ESS2: variants seen among roughly 807,000 people sequenced by gnomAD.
The protein encoded by ESS2 is ess-2 spliceosome associated protein.
ESS2 carries 31 observed loss-of-function variants against 52.0 expected under a neutral mutation model. That is an observed-to-expected ratio of 0.60 (90% CI 0.45 to 0.81). The LOEUF (loss-of-function observed/expected upper bound fraction) is 0.81, where lower values mean the gene tolerates loss of function less well. ESS2 is among the 30% of genes least tolerant of loss of function. The probability of loss-of-function intolerance (pLI) is 0.00; values close to 1 mark genes in which losing one functional copy is unlikely to be tolerated. For synonymous variants in ESS2, 285 were observed against 259.2 expected, an observed-to-expected ratio of 1.10 and a Z score of -0.95; for missense variants, 602 against 637.2, an observed-to-expected ratio of 0.94 and a Z score of 0.59.
intron 5 of ESS2, 66 bp from the exon 6 acceptor site, chr22:19,139,358 T>C: frequency 6.7e-7 from 1 of 1,501,434 alleles, no homozygotes; most frequent in Non-Finnish European, 8.9e-7. Context: ...CATGAGGAGC[T>C]CGCTTCTCGG....
chr22:19,133,891 G>A lies in ESS2; in HGVS notation c.*305C>T. 1 of 302,416 alleles carries A rather than the reference G, an allele frequency of 3.3e-6. No homozygotes were observed. The allele number at this position is 302,416 out of a possible 1,614,324, so 18.7% of individuals were successfully genotyped here. A position where few individuals can be genotyped will look rare whatever the true frequency, so the allele number is the denominator to read the frequency against. On this transcript the variant is annotated 3_prime_UTR_variant, in exon 10 of 10. Transcript: ENST00000252137. ...AGACGTGATGCAGGCCCCAGGGCAA[G>A]GCTAGGGCTCGTGTGGGGAGCAAGA...
Position 19,144,552 on chromosome 22 carries a change from G to A in ESS2, c.89C>T (p.Ala30Val), listed in dbSNP as rs766214563. The change falls in exon 1 of 10, where the codon GCT becomes GTT. Residue 30 changes from alanine (A) to valine (V), a missense_variant. Transcript: ENST00000252137. ...CAGGACCCGCTGCTTGCTCGTCGCA[G>A]CCCCAGCCTCTCCCGCCTCGCGCTT... is the stretch of plus-strand genomic sequence containing the variant. ...PRKREAGEAG[A>V]ATSKQRVLDE... The A allele has an allele frequency of 2.5e-6, 4 of 1,607,878 alleles. No homozygotes were observed. Among genetic ancestry groups the A allele is most frequent in the Admixed American group, 1.7e-5 (1 of 59,732 alleles).
chr22:19,137,399 T>TC lies in ESS2; in HGVS notation c.958dup (p.Glu320GlyfsTer3), dbSNP rs1569107777. The TC allele has an allele frequency of 1.2e-6, 2 of 1,612,072 alleles. No homozygotes were observed. Among genetic ancestry groups the TC allele is most frequent in the Admixed American group, 1.7e-5 (1 of 59,782 alleles). ...AACTCTCAAGGGTGTGTTCTCAACC[T>TC]CCCCCCAGGTCATCATCGGGGACTC... On this transcript the variant is annotated frameshift_variant, in exon 8 of 10. Transcript: ENST00000252137. LOFTEE classifies it high-confidence loss of function.
At chr22:19,140,109 C>T (rs2083660181) in intron 3 of ESS2, 85 bp from the exon 4 acceptor site, 3 of 1,506,516 alleles carry the variant, frequency 2.0e-6, no homozygotes, top group Non-Finnish European at 2.7e-6. Context: ...ATCATAGCCC[C>T]CAACATGCAG....
chr22:19,136,056 G>C lies in ESS2; in HGVS notation c.1036-881C>G, dbSNP rs1284075373. Among the ~76,000 whole-genome samples the C allele has an allele frequency of 3.2e-5, 3 of 93,376 alleles. No homozygotes were observed. The East Asian group carries it at 9.3e-4, about 29-fold the overall frequency. 61.3% of individuals were successfully genotyped at this position (93,376 alleles called of 152,430 possible). A position where few individuals can be genotyped will look rare whatever the true frequency, so the allele number is the denominator to read the frequency against. ...TAAAAAAAAAAAAAAAAAAAAAAAA[G>C]AGGCGAGGCACAGTGGCTCACGCCT... On this transcript the variant is annotated intron_variant, in intron 8 of 9. Transcript: ENST00000252137.
In ESS2 at chr22:19,132,557, G is replaced by A. The variant is rs531089437; in HGVS notation, c.*1639C>T. 2 of 1,400,970 alleles carry A rather than the reference G, an allele frequency of 1.4e-6. No individual in the cohort carries two copies. The highest frequency in any genetic ancestry group is 2.1e-5 in the Admixed American group (1 of 46,530). 86.8% of individuals were successfully genotyped at this position (1,400,970 alleles called of 1,614,324 possible). On this transcript the variant is annotated 3_prime_UTR_variant, in exon 10 of 10. Coordinates refer to ENST00000252137, the MANE Select transcript of ESS2 (RefSeq NM_022719.3). The surrounding 1 kb of genome is among the most constrained non-coding windows in gnomAD (Gnocchi z 4.2). ...GTCGGCCTTCACGTAAACTAAGTAG[G>A]CAGGTAGGATCTGAAGAAGGCACAG...
In ESS2 at chr22:19,142,848, T is replaced by C. The variant is rs1264845622; in HGVS notation, c.182A>G (p.Lys61Arg). ...IQRDFFPDVE[K>R]LQAQKEYLEA... ...CAGGTACTCCTTCTGTGCCTGGAGC[T>C]TCTCCACATCAGGAAAGAAATCCCT... The change falls in exon 2 of 10, where the codon AAG becomes AGG. Residue 61 changes from lysine to arginine, a missense_variant. Lys to Arg is a conservative substitution (Grantham distance 26, BLOSUM62 2). Transcript: ENST00000252137. 6.2e-7 allele frequency: 1 copy of C among 1,613,966 alleles called. No homozygotes were observed. Among genetic ancestry groups the C allele is most frequent in the East Asian group, 2.2e-5 (1 of 44,894 alleles).
intron 9 of ESS2, 36 bp downstream of exon 9, chr22:19,135,024 C>A: frequency 6.3e-6 from 10 of 1,592,868 alleles, no homozygotes; most frequent in Non-Finnish European, 8.6e-6. Context: ...GCCAGAGCCA[C>A]CCTCGCACTT....
In ESS2 at chr22:19,137,423, TC is replaced by T. The variant is rs2083603042; in HGVS notation, c.934del (p.Glu312SerfsTer4). The T allele has an allele frequency of 6.2e-7, 1 of 1,612,742 alleles. No homozygotes were observed. The highest frequency in any genetic ancestry group is 1.3e-5 in the African/African-American group (1 of 74,928). The part of the protein sequence containing the change: ...ATPSPAPGVN[E>X]SPMMTWGEVE... ...CTCCCCCCAGGTCATCATCGGGGACTCGTTCACACCTGCAGACAAAGAGCCC... is the reference window on the plus strand; with the variant it reads ...CTCCCCCCAGGTCATCATCGGGGACTGTTCACACCTGCAGACAAAGAGCCC... On this transcript the variant is annotated frameshift_variant, in exon 8 of 10. Coordinates refer to ENST00000252137, the MANE Select transcript of ESS2 (RefSeq NM_022719.3). LOFTEE classifies it high-confidence loss of function.
chr22:19,142,894 C>T lies in ESS2; in HGVS notation c.136G>A (p.Gly46Ser). 1.9e-6 allele frequency: 3 copies of T among 1,612,418 alleles called. No individual in the cohort carries two copies. The highest frequency in any genetic ancestry group is 2.5e-6 in the Non-Finnish European group (3 of 1,179,240). ...TCCCTTTGGATGACCGTCTGGAGGC[C>T]CTGCAAGGAGAGATCAGAATGAAAG... is the stretch of plus-strand genomic sequence containing the variant. ...RVLDEEEYIE[G>S]LQTVIQRDFF... Residue 46 changes from glycine to serine, a missense_variant and splice_region_variant, in exon 2 of 10, where the codon GGC (glycine) becomes AGC (serine). Transcript: ENST00000252137.
chr22:19,132,670 AC>A lies in ESS2; in HGVS notation c.*1525del. 1.6e-6 allele frequency: 1 copy of A among 617,808 alleles called. No homozygotes were observed. The allele number at this position is 617,808 out of a possible 1,614,324, so 38.3% of individuals were successfully genotyped here. The stretch of plus-strand genomic sequence containing the variant: ...TTAGCAGCAAAGACGTTCCTTACTG[AC>A]CACCAAATAAACCACAGGGTGTGTG... On this transcript the variant is annotated 3_prime_UTR_variant, in exon 10 of 10. Coordinates refer to ENST00000252137, the MANE Select transcript of ESS2 (RefSeq NM_022719.3). The surrounding 1 kb of genome is among the most constrained non-coding windows in gnomAD (Gnocchi z 4.2).
intron 1 of ESS2, among the ~76,000 whole-genome samples, chr22:19,143,347 A>G (rs80231873): frequency 0.031 from 4,691 of 151,976 alleles, 156 homozygotes; most frequent in East Asian, 0.059. Flanking sequence ...GGATTGAGGG[A>G]GCTTGAGGGC....
chr22:19,138,288 GC>G lies in ESS2; in HGVS notation c.851del (p.Gly284AlafsTer4), dbSNP rs2083620204. 5 of 1,613,886 alleles carry G rather than the reference GC, an allele frequency of 3.1e-6. No homozygotes were observed. The highest frequency in any genetic ancestry group is 4.2e-6 in the Non-Finnish European group (5 of 1,179,922). On this transcript the variant is annotated frameshift_variant, in exon 7 of 10. Transcript: ENST00000252137. LOFTEE classifies it high-confidence loss of function. ...GGGACTCCTGGGGGATCAGCTCCTT[GC>G]CATCGGGGCCCACCTTGCCCTGTTT... is the stretch of plus-strand genomic sequence containing the variant. ...QHKQGKVGPD[G>X]KELIPQESPR...
chr22:19,132,856 T>C lies in ESS2; in HGVS notation c.*1340A>G, dbSNP rs981993435. The C allele has an allele frequency of 4.6e-6, 1 of 218,198 alleles. No homozygotes were observed. Among genetic ancestry groups the C allele is most frequent in the Non-Finnish European group, 9.2e-6 (1 of 108,122 alleles). 13.5% of individuals were successfully genotyped at this position (218,198 alleles called of 1,614,324 possible). The stretch of plus-strand genomic sequence containing the variant: ...GCCTTGTGGGGGACAAGAGGGCCTC[T>C]GCCAGGGTCCACCCACCAGGCCCAC... On this transcript the variant is annotated 3_prime_UTR_variant, in exon 10 of 10. Coordinates refer to ENST00000252137, the MANE Select transcript of ESS2 (RefSeq NM_022719.3). This position sits in a 1 kb window ranked among gnomAD's most constrained non-coding sequence, Gnocchi z 4.2.
intron 3 of ESS2, among the ~76,000 whole-genome samples, chr22:19,140,398 C>G (rs58619744): frequency 1.3e-5 from 2 of 152,068 alleles, no homozygotes; most frequent in Non-Finnish European, 2.9e-5. Flanking sequence ...GGTGCCAGGC[C>G]TCCAAATCCC....
intron 1 of ESS2, among the ~76,000 whole-genome samples, chr22:19,143,261 T>C (rs984430174): frequency 1.5e-4 from 22 of 149,370 alleles, no homozygotes; most frequent in African/African-American, 5.4e-4. Context: ...TGCTCCTGCC[T>C]CACAGGTCCA....
chr22:19,143,452 T>G (rs1217188024), intron 1 of ESS2, among the ~76,000 whole-genome samples: 1 of 152,232 alleles, frequency 6.6e-6, no homozygotes, highest in African/African-American at 2.4e-5. Flanking sequence ...CCCTTCTCTC[T>G]CGCCCTTGCT....
intron 6 of ESS2, 24 bp downstream of exon 6, chr22:19,139,134 CG>C (rs2083637329): frequency 2.6e-6 from 4 of 1,563,634 alleles, no homozygotes; most frequent in Non-Finnish European, 2.6e-6. Flanking sequence ...CTGGCCCATG[CG>C]GCCCTGCTGA....
Position 19,137,444 on chromosome 22 carries a change from G to T in ESS2, c.926-12C>A. The T allele has an allele frequency of 6.2e-7, 1 of 1,606,644 alleles. No individual in the cohort carries two copies. Among genetic ancestry groups the T allele is most frequent in the South Asian group, 1.1e-5 (1 of 90,614 alleles). On this transcript the variant is annotated splice_polypyrimidine_tract_variant and intron_variant, in intron 7 of 9. Transcript: ENST00000252137. Reference sequence around the variant, plus strand: ...GGACTCGTTCACACCTGCAGACAAAGAGCCCAAAACCACCTCAGGCCAGAG... The same window carrying T: ...GGACTCGTTCACACCTGCAGACAAATAGCCCAAAACCACCTCAGGCCAGAG...
Sources: gnomAD v4.1 joint callset for allele counts (sites outside exome capture counted in the v4.1 genomes callset) on GRCh38, gnomAD v4.1.1 for gene constraint, Gnocchi (gnomAD v3.1) non-coding constraint, MANE v1.5 for transcripts, NCBI Gene and HGNC (gene_info 2026-07-23, HGNC 2026-07-21) for gene names.